SYN1: variants seen among roughly 807,000 people sequenced by gnomAD.
The protein encoded by SYN1 is synapsin-1.
SYN1 carries 8 observed loss-of-function variants against 44.6 expected under a neutral mutation model. That is an observed-to-expected ratio of 0.18 (90% CI 0.11 to 0.32). The LOEUF (loss-of-function observed/expected upper bound fraction) is 0.32. SYN1 is among the 10% of genes least tolerant of loss of function. The probability of loss-of-function intolerance (pLI) is 1.00; values close to 1 mark genes in which losing one functional copy is unlikely to be tolerated. For synonymous variants in SYN1, 275 were observed against 280.1 expected (o/e 0.98, Z 0.18); for missense variants, 451 against 639.4 (o/e 0.71, Z 3.18).
intron 5 of SYN1, chrX:47,586,256 A>C (rs1011508902): frequency 1.1e-5 from 8 of 754,139 alleles, no homozygotes; most frequent in Non-Finnish European, 1.3e-5. Flanking sequence ...GTCCTTTGGG[A>C]CAATTCCACA....
intron 5 of SYN1, among the ~76,000 whole-genome samples, chrX:47,581,760 G>A (rs931469850): frequency 2.7e-5 from 3 of 111,891 alleles, no homozygotes; most frequent in African/African-American, 6.5e-5. Context: ...GTATACAGTA[G>A]GTGCTGTATA....
chrX:47,607,155 T>C lies in SYN1; in HGVS notation c.421A>G (p.Ile141Val). The stretch of plus-strand genomic sequence containing the variant: ...TCCCAACTTACCTGTTCTACTTTAA[T>C]GTCAATTTCTCCATGGATCTTTTTC... Reference protein sequence around the residue: ...KGKKIHGEIDIKVEQAEFSDL... With the variant: ...KGKKIHGEIDVKVEQAEFSDL... Residue 141 changes from isoleucine (I) to valine (V), a missense_variant, in exon 2 of 13, where the codon ATT becomes GTT. By Grantham distance (29) the Ile-to-Val change is conservative. This residue lies in a region of SYN1 where 315 missense variants were observed against 451.4 expected (regional missense o/e 0.70). Transcript: ENST00000295987. The C allele has an allele frequency of 8.3e-7, 1 of 1,211,433 alleles. No homozygotes were observed. Among genetic ancestry groups the C allele is most frequent in the Non-Finnish European group, 1.1e-6 (1 of 895,266 alleles).
chrX:47,616,293 G>C (rs746321362), intron 1 of SYN1, among the ~76,000 whole-genome samples: 1 of 111,718 alleles, frequency 9.0e-6, no homozygotes, highest in East Asian at 2.8e-4. Flanking sequence ...TGGGATAAAG[G>C]GGGGCTTCTG....
At chrX:47,583,792 C>T (rs2057810363) in intron 5 of SYN1, among the ~76,000 whole-genome samples, 2 of 111,959 alleles carry the variant, frequency 1.8e-5, no homozygotes, top group African/African-American at 6.5e-5. Context: ...CAAACGTCAC[C>T]TTCTCAGGAT....
intron 1 of SYN1, among the ~76,000 whole-genome samples, chrX:47,614,182 C>T (rs182499106): frequency 0.019 from 2,091 of 111,913 alleles, 52 homozygotes; most frequent in African/African-American, 0.065. Flanking sequence ...AACCTTGCTC[C>T]TCAGGAGGAG....
intron 5 of SYN1, among the ~76,000 whole-genome samples, chrX:47,604,067 C>G (rs746271045): frequency 9.2e-6 from 1 of 108,628 alleles, no homozygotes; most frequent in South Asian, 4.0e-4. Context: ...ACCACCACGC[C>G]GGGCTAATTT....
chrX:47,583,640 T>C, intron 5 of SYN1: 1 of 942,513 alleles, frequency 1.1e-6, no homozygotes, highest in East Asian at 3.4e-5. Flanking sequence ...CACTCGCCCC[T>C]GCACTTCCTC....
rs753438356 is a variant in SYN1 at position 47,584,855 on chromosome X, T to TATG, written c.775-7357_775-7355dup. 167 of 851,118 alleles carry TATG rather than the reference T, an allele frequency of 2.0e-4. No individual in the cohort carries two copies. In the East Asian group the frequency reaches 2.6e-3, roughly 13 times the overall value. The allele number at this position is 851,118 out of a possible 1,213,427, so 70.1% of individuals were successfully genotyped here. ...CCTATTTATGTATGCGCTTTGCTGG[T>TATG]ATGATGATGATGATGATGATGATCT... On this transcript the variant is annotated intron_variant, in intron 5 of 12. Transcript: ENST00000295987.
intron 9 of SYN1, 72 bp from the exon 10 acceptor site, chrX:47,575,346 C>T: frequency 1.7e-6 from 2 of 1,150,654 alleles, no homozygotes; most frequent in Admixed American, 4.8e-5. Context: ...ACCGTGCTTT[C>T]AGTTGGCCAA....
chrX:47,605,145 A>T, intron 4 of SYN1, 78 bp from the exon 5 acceptor site: 1 of 1,201,785 alleles, frequency 8.3e-7, no homozygotes, highest in Non-Finnish European at 1.1e-6. Flanking sequence ...CACTTCCCCA[A>T]ATCGCAGACT....
intron 1 of SYN1, among the ~76,000 whole-genome samples, chrX:47,612,657 C>T (rs1395465669): frequency 8.9e-6 from 1 of 112,061 alleles, no homozygotes; most frequent in African/African-American, 3.2e-5. Flanking sequence ...AGGCTGTGCA[C>T]CTGCTCATCT....
At chrX:47,575,992 A>G in intron 9 of SYN1, 139 bp downstream of exon 9, 1 of 620,473 alleles carries the variant, frequency 1.6e-6, no homozygotes, top group East Asian at 3.6e-5. Context: ...CCCCTTCGAA[A>G]GTTCGTCAGG....
intron 6 of SYN1, 97 bp downstream of exon 6, chrX:47,577,342 T>C: frequency 1.1e-6 from 1 of 938,425 alleles, no homozygotes. Flanking sequence ...ACCAACCTGA[T>C]AGATAACGAC....
intron 3 of SYN1, among the ~76,000 whole-genome samples, chrX:47,605,820 A>G (rs1180358553): frequency 2.7e-5 from 3 of 111,353 alleles, no homozygotes; most frequent in Admixed American, 9.6e-5. Context: ...TCCTGCAACC[A>G]GGCCACCCTA....
At chrX:47,593,265 G>C (rs1314472059) in intron 5 of SYN1, among the ~76,000 whole-genome samples, 1 of 99,423 alleles carries the variant, frequency 1.0e-5, no homozygotes, top group Non-Finnish European at 2.0e-5. Flanking sequence ...AGTAAAAATG[G>C]TCTATGCTTT....
At chrX:47,586,553 G>A in intron 5 of SYN1, 1 of 1,211,851 alleles carries the variant, frequency 8.3e-7, no homozygotes, top group African/African-American at 1.7e-5. Flanking sequence ...CCTGCAAACT[G>A]CAGAGTGGCA....
intron 1 of SYN1, among the ~76,000 whole-genome samples, chrX:47,610,104 G>T (rs2057912539): frequency 8.9e-6 from 1 of 111,802 alleles, no homozygotes; most frequent in African/African-American, 3.3e-5. Context: ...GGATCTCCCT[G>T]ACTGCATTTA....
chrX:47,600,301 C>T (rs1229259041), intron 5 of SYN1, among the ~76,000 whole-genome samples: 2 of 110,714 alleles, frequency 1.8e-5, no homozygotes, highest in Non-Finnish European at 3.8e-5. Flanking sequence ...AAGTGATCCT[C>T]CCACTTCAGC....
chrX:47,583,558 C>T (rs1241390154), intron 5 of SYN1: 1 of 1,169,574 alleles, frequency 8.6e-7, no homozygotes, highest in Non-Finnish European at 1.1e-6. Flanking sequence ...CCCCACTCAG[C>T]CCACACACTC....
Sources: allele counts gnomAD v4.1 joint callset (sites outside exome capture counted in the v4.1 genomes callset), GRCh38; gene constraint gnomAD v4.1.1; regional missense constraint gnomAD v4.1.1; transcripts MANE v1.5; gene names NCBI Gene and HGNC (gene_info 2026-07-23, HGNC 2026-07-21).